Variants in CNIH4 observed in about 807,000 individuals in gnomAD.
CNIH4 encodes the protein cornichon family member 4, also known as protein cornichon homolog 4.
A neutral mutation model predicts 21.5 loss-of-function variants in CNIH4; 9 were observed. The observed-to-expected ratio is 0.42, with a 90% CI of 0.25 to 0.73. The LOEUF (loss-of-function observed/expected upper bound fraction) is 0.73. Ranked by LOEUF, CNIH4 falls within the 30% of genes least tolerant of loss-of-function variation. The pLI is 0.27. For missense variants in CNIH4, 159 were observed against 170.0 expected, an observed-to-expected ratio of 0.94 and a Z score of 0.36; for synonymous variants, 67 against 59.1, an observed-to-expected ratio of 1.13 and a Z score of -0.61.
At chr1:224,361,000 A>T (rs1558394935) in intron 2 of CNIH4, among the ~76,000 whole-genome samples, 1 of 151,768 alleles carries the variant, frequency 6.6e-6, no homozygotes. Context: ...ATTTATTGAG[A>T]GAGAAGGTTT....
At chr1:224,362,486 A>G (rs1292120811) in intron 2 of CNIH4, among the ~76,000 whole-genome samples, 1 of 91,508 alleles carries the variant, frequency 1.1e-5, no homozygotes, top group Non-Finnish European at 2.0e-5. Context: ...ATCGCTGTGT[A>G]CTTTTTTTTT....
Position 224,368,883 on chromosome 1 carries a change from C to G in CNIH4, c.252-2400C>G, listed in dbSNP as rs1225866403. Reference sequence around the variant, plus strand: ...TTGGGGGTTCCATTTTCTCTACATCCTTGCCAACACTTTTTACTGTGTGTG... The same window carrying G: ...TTGGGGGTTCCATTTTCTCTACATCGTTGCCAACACTTTTTACTGTGTGTG... On this transcript the variant is annotated intron_variant, in intron 3 of 4. Transcript: ENST00000465271. 1.4e-4 allele frequency among the ~76,000 whole-genome samples: 21 copies of G among 150,122 alleles called. 1 individual carries two copies. In the Admixed American group the frequency reaches 1.4e-3, roughly 10 times the overall value.
Position 224,376,676 on chromosome 1 carries a change from G to T in CNIH4, c.*854G>T, listed in dbSNP as rs1327081381. Reference sequence around the variant, plus strand: ...ATTGAGCCTTTTGGTGCGCCACGTGGTGCCAGATCAACACTTCTATCCCTC... The same window carrying T: ...ATTGAGCCTTTTGGTGCGCCACGTGTTGCCAGATCAACACTTCTATCCCTC... On this transcript the variant is annotated 3_prime_UTR_variant, in exon 5 of 5. Transcript: ENST00000465271. The T allele has an allele frequency of 5.1e-6, 5 of 985,320 alleles. No individual in the cohort carries two copies. The South Asian group carries it at 2.4e-4, about 46-fold the overall frequency. The allele number at this position is 985,320 out of a possible 1,614,324, so 61.0% of individuals were successfully genotyped here.
chr1:224,360,628 T>A lies in CNIH4; in HGVS notation c.138+65T>A, dbSNP rs752386288. 1,417 of 779,458 alleles carry A rather than the reference T, an allele frequency of 1.8e-3. 2 individuals are homozygous for A. The highest frequency in any genetic ancestry group is 2.6e-3 in the Non-Finnish European group (1,329 of 509,762). The allele number at this position is 779,458 out of a possible 1,614,324, so 48.3% of individuals were successfully genotyped here. A position where few individuals can be genotyped will look rare whatever the true frequency, so the allele number is the denominator to read the frequency against. Reference sequence around the variant, plus strand: ...GGTCATTTTCCATACTTAAGATTATTATAGATAACAGATGTATTTTTGATT... The same window carrying A: ...GGTCATTTTCCATACTTAAGATTATAATAGATAACAGATGTATTTTTGATT... On this transcript the variant is annotated intron_variant, in intron 2 of 4. Transcript: ENST00000465271.
intron 4 of CNIH4, among the ~76,000 whole-genome samples, chr1:224,375,457 GT>G (rs35213309): frequency 0.97 from 148,091 of 151,908 alleles, 72,291 homozygotes; most frequent in East Asian, 1. Context: ...GAATTTAAAG[GT>G]TTTTTTTTCT....
intron 4 of CNIH4, among the ~76,000 whole-genome samples, chr1:224,374,539 C>T (rs957253936): frequency 1.4e-4 from 21 of 152,082 alleles, no homozygotes; most frequent in Admixed American, 6.5e-4. Flanking sequence ...TTCAGCCTCC[C>T]GTGTAGCTGG....
In CNIH4 at chr1:224,376,065, T is replaced by C; in HGVS notation, c.*243T>C. On this transcript the variant is annotated 3_prime_UTR_variant, in exon 5 of 5. Coordinates refer to ENST00000465271, the MANE Select transcript of CNIH4 (RefSeq NM_014184.4). Reference sequence around the variant, plus strand: ...ACACTTGAAGGTGTTTTTCATCCTCTGTATGTTGAAGGTGGTTATTTGTAT... The same window carrying C: ...ACACTTGAAGGTGTTTTTCATCCTCCGTATGTTGAAGGTGGTTATTTGTAT... 1 of 1,213,676 alleles carries C rather than the reference T, an allele frequency of 8.2e-7. No homozygotes were observed. The highest frequency in any genetic ancestry group is 3.2e-5 in the South Asian group (1 of 30,868). The allele number at this position is 1,213,676 out of a possible 1,614,324, so 75.2% of individuals were successfully genotyped here. A position where few individuals can be genotyped will look rare whatever the true frequency, so the allele number is the denominator to read the frequency against.
chr1:224,369,848 G>T (rs754356307), intron 3 of CNIH4, among the ~76,000 whole-genome samples: 6 of 151,794 alleles, frequency 4.0e-5, no homozygotes, highest in Non-Finnish European at 7.4e-5. Context: ...GGCTAATTTT[G>T]TATTTTTAGT....
At position 224,379,431 on chromosome 1, in the gene CNIH4, G is replaced by C; in HGVS notation, c.*3609G>C. The C allele has an allele frequency of 3.9e-6, 1 of 257,454 alleles. No individual in the cohort carries two copies. The highest frequency in any genetic ancestry group is 7.6e-6 in the Non-Finnish European group (1 of 131,500). 15.9% of individuals were successfully genotyped at this position (257,454 alleles called of 1,614,324 possible). On this transcript the variant is annotated 3_prime_UTR_variant, in exon 5 of 5. Coordinates refer to ENST00000465271, the MANE Select transcript of CNIH4 (RefSeq NM_014184.4). ...AGTGCCTTGCACACAAACAATAAAT[G>C]ATTGTTGAGTGAATAAGTAAACCTG...
intron 4 of CNIH4, among the ~76,000 whole-genome samples, chr1:224,375,252 C>G (rs1305560670): frequency 6.6e-6 from 1 of 152,160 alleles, no homozygotes; most frequent in Admixed American, 6.5e-5. Context: ...GTGGTAGAGA[C>G]AACATGTAAG....
In CNIH4 at chr1:224,365,319, A is replaced by G. The variant is rs536076843; in HGVS notation, c.139-560A>G. ...GTCAACAAATAGCATAGGGAAGGGC[A>G]TGGAGCTCTGTAAAGCCGATAGGCC... On this transcript the variant is annotated intron_variant, in intron 2 of 4. Transcript: ENST00000465271. 2.1e-4 allele frequency among the ~76,000 whole-genome samples: 32 copies of G among 152,356 alleles called. No individual in the cohort carries two copies. In the East Asian group the frequency reaches 5.6e-3, roughly 27 times the overall value.
chr1:224,365,905 T>C lies in CNIH4; in HGVS notation c.165T>C (p.His55=). 1.9e-6 allele frequency: 3 copies of C among 1,610,512 alleles called. No individual in the cohort carries two copies. Among genetic ancestry groups the C allele is most frequent in the South Asian group, 1.1e-5 (1 of 91,006 alleles). The change falls in exon 3 of 5, where the codon CAT becomes CAC. Residue 55 remains histidine (H), a synonymous_variant. Coordinates refer to ENST00000465271, the MANE Select transcript of CNIH4 (RefSeq NM_014184.4). The part of the protein sequence containing the change: ...NKWVIPELIG[H]TIVTVLLLMS... ...GGGTAATTCCAGAATTGATTGGCCA[T>C]ACCATTGTCACTGTATTACTGCTCA...
intron 4 of CNIH4, among the ~76,000 whole-genome samples, chr1:224,373,823 G>A (rs1056443394): frequency 3.3e-5 from 5 of 149,926 alleles, no homozygotes; most frequent in East Asian, 4.0e-4. Context: ...GTAAGGCTCC[G>A]TCTCAAAAAA....
chr1:224,359,090 G>A (rs1672198365), intron 1 of CNIH4, among the ~76,000 whole-genome samples: 1 of 152,182 alleles, frequency 6.6e-6, no homozygotes, highest in Admixed American at 6.5e-5. Flanking sequence ...TATGGTTAAC[G>A]AATAGACCAT....
chr1:224,356,843 A>C, upstream of CNIH4: 1 of 1,217,256 alleles, frequency 8.2e-7, no homozygotes, highest in Non-Finnish European at 1.2e-6. Flanking sequence ...CGCCTCAGCC[A>C]GCCCCGGCAA....
chr1:224,379,354 A>C lies in CNIH4; in HGVS notation c.*3532A>C. On this transcript the variant is annotated 3_prime_UTR_variant, in exon 5 of 5. Transcript: ENST00000465271. ...AGATTGTATGTTCCTGGAGGGCAGA[A>C]TATGCCCATTCATATTTGTATCTTC... The C allele has an allele frequency of 2.0e-6, 1 of 490,798 alleles. No homozygotes were observed. Among genetic ancestry groups the C allele is most frequent in the African/African-American group, 1.9e-5 (1 of 51,626 alleles). 30.4% of individuals were successfully genotyped at this position (490,798 alleles called of 1,614,324 possible).
Position 224,376,124 on chromosome 1 carries a change from C to A in CNIH4, c.*302C>A. On this transcript the variant is annotated 3_prime_UTR_variant, in exon 5 of 5. Coordinates refer to ENST00000465271, the MANE Select transcript of CNIH4 (RefSeq NM_014184.4). ...AGGACTGCCATCCCAGCTTTGCATGCCAAAGAAATAAAGAACACACTTTAA... is the reference window on the plus strand; with the variant it reads ...AGGACTGCCATCCCAGCTTTGCATGACAAAGAAATAAAGAACACACTTTAA... 1 of 1,099,904 alleles carries A rather than the reference C, an allele frequency of 9.1e-7. No homozygotes were observed. Among genetic ancestry groups the A allele is most frequent in the Non-Finnish European group, 1.1e-6 (1 of 903,644 alleles). 68.1% of individuals were successfully genotyped at this position (1,099,904 alleles called of 1,614,324 possible).
At chr1:224,363,056 C>G (rs1305040929) in intron 2 of CNIH4, among the ~76,000 whole-genome samples, 1 of 148,406 alleles carries the variant, frequency 6.7e-6, no homozygotes, top group Non-Finnish European at 1.5e-5. Flanking sequence ...TTTTTTCTTT[C>G]TTTTTGAGAT....
At position 224,356,924 on chromosome 1, in the gene CNIH4, G is replaced by A. The variant is rs1672129086; in HGVS notation, c.-1G>A. 1 of 1,608,158 alleles carries A rather than the reference G, an allele frequency of 6.2e-7. No homozygotes were observed. Among genetic ancestry groups the A allele is most frequent in the Non-Finnish European group, 8.5e-7 (1 of 1,177,326 alleles). ...AGGAGCGGCGGCGACGGAGGAGGAG[G>A]ATGGAGGCGGTGGTGTTCGTCTTCT... is the stretch of plus-strand genomic sequence containing the variant. On this transcript the variant is annotated 5_prime_UTR_variant, in exon 1 of 5. Transcript: ENST00000465271.
Sources: gnomAD v4.1 joint callset for allele counts (sites outside exome capture counted in the v4.1 genomes callset) on GRCh38, gnomAD v4.1.1 for gene constraint, MANE v1.5 for transcripts, NCBI Gene and HGNC (gene_info 2026-07-23, HGNC 2026-07-21) for gene names.